The following DCC variants were observed in gnomAD, a reference collection of about 807,000 sequenced individuals.
DCC encodes netrin receptor DCC.
DCC carries 58 observed loss-of-function variants against 172.5 expected under a neutral mutation model. The observed-to-expected ratio is 0.34, with a 90% CI of 0.27 to 0.42. DCC has a LOEUF of 0.42. Ranked by LOEUF, DCC falls within the 10% of genes least tolerant of loss-of-function variation. DCC has a pLI of 1.00. For synonymous variants in DCC, 709 were observed against 644.5 expected (o/e 1.10, Z -1.52); for missense variants, 1,740 against 1,791.0 (o/e 0.97, Z 0.51).
At chr18:53,102,262 C>T (rs1448007216) in intron 7 of DCC, among the ~76,000 whole-genome samples, 1 of 152,116 alleles carries the variant, frequency 6.6e-6, no homozygotes, top group Non-Finnish European at 1.5e-5. Flanking sequence ...GACTACTTGC[C>T]TACTTCATTT....
Position 53,431,467 on chromosome 18 carries a change from G to GT in DCC, c.3164-3671dup, listed in dbSNP as rs138962186. Among the ~76,000 whole-genome samples the GT allele has an allele frequency of 1.6e-3, 211 of 127,992 alleles. 1 individual carries two copies. Among genetic ancestry groups the GT allele is most frequent in the East Asian group, 6.4e-3 (32 of 5,012 alleles). The allele number at this position is 127,992 out of a possible 152,430, so 84.0% of individuals were successfully genotyped here. A position where few individuals can be genotyped will look rare whatever the true frequency, so the allele number is the denominator to read the frequency against. On this transcript the variant is annotated intron_variant, in intron 21 of 28. Coordinates refer to ENST00000442544, the MANE Select transcript of DCC (RefSeq NM_005215.4). ...GAATTATATTCATATAGTACACTTT[G>GT]TTTTTTGTTGTTGTTGTTGTTGTTG...
At chr18:52,678,708 T>C (rs926082690) in intron 1 of DCC, among the ~76,000 whole-genome samples, 7 of 152,164 alleles carry the variant, frequency 4.6e-5, no homozygotes, top group African/African-American at 1.7e-4. Context: ...GTCAGAAAAG[T>C]AGTTCTTTAA....
At chr18:52,734,187 AT>A (rs1242923243) in intron 1 of DCC, among the ~76,000 whole-genome samples, 3 of 152,046 alleles carry the variant, frequency 2.0e-5, no homozygotes, top group Non-Finnish European at 4.4e-5. Flanking sequence ...AGGTGTATAT[AT>A]GTATGGGGTA....
At chr18:52,348,531 C>T (rs1983978493) in intron 1 of DCC, among the ~76,000 whole-genome samples, 1 of 152,160 alleles carries the variant, frequency 6.6e-6, no homozygotes, top group Admixed American at 6.5e-5. Flanking sequence ...TTCGCATTTT[C>T]CTGATTGCTT....
chr18:53,192,951 T>C (rs1439483313), intron 9 of DCC, among the ~76,000 whole-genome samples: 6 of 152,174 alleles, frequency 3.9e-5, no homozygotes, highest in Non-Finnish European at 1.5e-5. Context: ...TTCCATCAAC[T>C]TCACTCTCTT....
chr18:52,552,575 T>C (rs916192799), intron 1 of DCC, among the ~76,000 whole-genome samples: 1 of 152,010 alleles, frequency 6.6e-6, no homozygotes, highest in African/African-American at 2.4e-5. Flanking sequence ...TTTTAAAAAT[T>C]TGGGGACAGT....
At chr18:52,351,892 C>T (rs1443571) in intron 1 of DCC, among the ~76,000 whole-genome samples, 2,801 of 152,202 alleles carry the variant, frequency 0.018, 73 homozygotes, top group African/African-American at 0.065. Flanking sequence ...TCCATGTCAC[C>T]GGACCTGGAA....
At chr18:53,447,056 T>C (rs563938023) in intron 22 of DCC, among the ~76,000 whole-genome samples, 4 of 152,306 alleles carry the variant, frequency 2.6e-5, no homozygotes, top group Admixed American at 2.6e-4. Flanking sequence ...TTAAATAAGA[T>C]GTCTCTAAAC....
chr18:52,749,076 T>G (rs916587424), intron 1 of DCC, among the ~76,000 whole-genome samples: 1 of 152,044 alleles, frequency 6.6e-6, no homozygotes, highest in Non-Finnish European at 1.5e-5. Flanking sequence ...GGCGCATGCC[T>G]GTAATCCCAG....
intron 25 of DCC, among the ~76,000 whole-genome samples, chr18:53,486,449 T>A (rs969428377): frequency 2.6e-5 from 4 of 152,170 alleles, no homozygotes; most frequent in Non-Finnish European, 5.9e-5. Flanking sequence ...ACCTTTCTAA[T>A]GCCATAGTTC....
chr18:52,791,877 G>T (rs11874333), intron 2 of DCC, among the ~76,000 whole-genome samples: 9 of 152,024 alleles, frequency 5.9e-5, no homozygotes, highest in Non-Finnish European at 2.9e-5. Context: ...AGCAGAATAC[G>T]TGCCTTAAAA....
chr18:52,757,114 C>T (rs754222236), intron 2 of DCC: 6 of 152,096 alleles, frequency 3.9e-5, no homozygotes, highest in Non-Finnish European at 8.8e-5. Context: ...GCAAGCAGTG[C>T]CCAAATCCCT....
intron 1 of DCC, among the ~76,000 whole-genome samples, chr18:52,672,202 T>C (rs1352464130): frequency 1.3e-5 from 2 of 152,250 alleles, no homozygotes; most frequent in East Asian, 1.9e-4. Context: ...AGGTCTGTGA[T>C]TTGTTAGAAT....
At chr18:53,513,924 G>A (rs1301649915) in intron 27 of DCC, among the ~76,000 whole-genome samples, 1 of 150,974 alleles carries the variant, frequency 6.6e-6, no homozygotes, top group Non-Finnish European at 1.5e-5. Flanking sequence ...AGTCAACAAG[G>A]ATACCCAGGA....
chr18:52,940,359 C>T (rs2040442214), intron 5 of DCC, among the ~76,000 whole-genome samples: 1 of 152,128 alleles, frequency 6.6e-6, no homozygotes. Context: ...TTCAGGCAGA[C>T]TAGATCTTCT....
intron 5 of DCC, among the ~76,000 whole-genome samples, chr18:52,955,332 C>A (rs530502770): frequency 6.6e-6 from 1 of 151,814 alleles, no homozygotes; most frequent in Admixed American, 6.6e-5. Flanking sequence ...TTAAAATTGG[C>A]TTCTTTCACT....
intron 1 of DCC, among the ~76,000 whole-genome samples, chr18:52,603,583 G>A (rs1337910429): frequency 7.3e-6 from 1 of 136,506 alleles, no homozygotes; most frequent in African/African-American, 2.8e-5. Context: ...CCTAAAATGT[G>A]AAGTTAATAC....
Position 53,410,489 on chromosome 18 carries a change from A to G in DCC, c.2973A>G (p.Pro991=), listed in dbSNP as rs1411150569. The G allele has an allele frequency of 1.9e-6, 3 of 1,610,458 alleles. No individual in the cohort carries two copies. The highest frequency in any genetic ancestry group is 1.3e-5 in the African/African-American group (1 of 74,958). Residue 991 remains proline, a synonymous_variant, in exon 20 of 29, where the codon CCA becomes CCG. Coordinates refer to ENST00000442544, the MANE Select transcript of DCC (RefSeq NM_005215.4). ...TTTATACCTTGGACAAGAACATCCCAATTGATGACTGGATTATGGAAACAA... is the reference window on the plus strand; with the variant it reads ...TTTATACCTTGGACAAGAACATCCCGATTGATGACTGGATTATGGAAACAA... ...ILFYTLDKNI[P]IDDWIMETIS... is the part of the protein sequence containing the mutation.
chr18:52,611,335 A>G (rs1251806335), intron 1 of DCC, among the ~76,000 whole-genome samples: 2 of 152,166 alleles, frequency 1.3e-5, no homozygotes, highest in African/African-American at 4.8e-5. Context: ...CTTTATAGCC[A>G]TTCCCTAACA....
Sources: allele counts gnomAD v4.1 joint callset (sites outside exome capture counted in the v4.1 genomes callset), GRCh38; gene constraint gnomAD v4.1.1; transcripts MANE v1.5; gene names NCBI Gene and HGNC (gene_info 2026-07-23, HGNC 2026-07-21).